Variants in ARMC2 observed in about 807,000 individuals in gnomAD.
The protein encoded by ARMC2 is armadillo repeat containing 2.
A neutral mutation model predicts 90.3 loss-of-function variants in ARMC2; 67 were observed. The ratio of observed to expected loss-of-function variants is 0.74; its 90% CI spans 0.61 to 0.91. The LOEUF (loss-of-function observed/expected upper bound fraction) is 0.91. ARMC2 is among the 40% of genes least tolerant of loss of function. The pLI, the probability that ARMC2 is intolerant of heterozygous loss-of-function variation, is 0.00. For missense variants in ARMC2, 920 were observed against 1,030.9 expected (o/e 0.89, Z 1.47); for synonymous variants, 393 against 393.0 (o/e 1.00, Z 0.00).
intron 1 of ARMC2, among the ~76,000 whole-genome samples, chr6:108,852,624 G>A (rs933084112): frequency 6.6e-6 from 1 of 152,112 alleles, no homozygotes; most frequent in East Asian, 1.9e-4. Flanking sequence ...CTTAGGTCAG[G>A]AGTGAGAGTC....
chr6:108,988,729 T>C, the ARMC2 span: 54 of 1,494,138 alleles, frequency 3.6e-5, no homozygotes, highest in Non-Finnish European at 4.6e-5. Flanking sequence ...TTTCAGTGTA[T>C]AACCTGTTTT....
intron 3 of ARMC2, 38 bp downstream of exon 3, chr6:108,858,309 G>A: frequency 2.0e-6 from 3 of 1,520,370 alleles, no homozygotes; most frequent in South Asian, 2.4e-5. Flanking sequence ...TTTATATTAT[G>A]TTGTGAAATG....
At chr6:108,941,126 A>G (rs956925784) in intron 12 of ARMC2, among the ~76,000 whole-genome samples, 8 of 152,216 alleles carry the variant, frequency 5.3e-5, no homozygotes, top group Non-Finnish European at 1.2e-4. Context: ...TAGACTAAAA[A>G]CTTTAAAATA....
chr6:108,983,508 T>C, the ARMC2 span, among the ~76,000 whole-genome samples: 8 of 152,238 alleles, frequency 5.3e-5, no homozygotes, highest in Non-Finnish European at 1.0e-4. Flanking sequence ...AAAGAGACTG[T>C]CCTGTCCTTA....
intron 3 of ARMC2, among the ~76,000 whole-genome samples, chr6:108,867,627 C>T (rs186953551): frequency 1.2e-4 from 18 of 152,144 alleles, no homozygotes; most frequent in African/African-American, 4.3e-4. Flanking sequence ...AAAAATTAGC[C>T]AAGTGTGCTG....
the ARMC2 span, among the ~76,000 whole-genome samples, chr6:109,026,794 C>T: frequency 3.9e-5 from 6 of 152,178 alleles, no homozygotes; most frequent in South Asian, 2.1e-4. Context: ...TGAGCCACTG[C>T]GCCCGGCCAG....
chr6:108,907,680 A>G, intron 8 of ARMC2: 2 of 1,606,308 alleles, frequency 1.2e-6, no homozygotes, highest in Non-Finnish European at 1.7e-6. Flanking sequence ...AGCACGTAGC[A>G]TGCCAGCACC....
rs762010883 is a variant in ARMC2 at position 108,854,344 on chromosome 6, G to A, written c.77G>A (p.Ser26Asn). 5 of 1,612,844 alleles carry A rather than the reference G, an allele frequency of 3.1e-6. No individual in the cohort carries two copies. Among genetic ancestry groups the A allele is most frequent in the Non-Finnish European group, 4.2e-6 (5 of 1,179,666 alleles). The stretch of plus-strand genomic sequence containing the variant: ...CCTTCAGTGTCCAAGCAGAAGACCA[G>A]TGCAGAAATCATAAGTGAAGCAAGA... ...YQPSVSKQKT[S>N]AEIISEARNA... The change falls in exon 2 of 18, where the codon AGT becomes AAT. Residue 26 changes from serine (S) to asparagine (N), a missense_variant. Physicochemically the swap from Ser to Asn is conservative, Grantham distance 46 (BLOSUM62 1). Coordinates refer to ENST00000392644, the MANE Select transcript of ARMC2 (RefSeq NM_032131.6).
intron 5 of ARMC2, among the ~76,000 whole-genome samples, chr6:108,886,883 GT>G (rs10712168): frequency 0.27 from 38,948 of 146,430 alleles, 6,298 homozygotes; most frequent in Non-Finnish European, 0.35. Flanking sequence ...GAATTTTATA[GT>G]TTTTTTTTTG....
chr6:108,931,306 C>T (rs1413148522), intron 11 of ARMC2, among the ~76,000 whole-genome samples: 1 of 151,906 alleles, frequency 6.6e-6, no homozygotes, highest in Non-Finnish European at 1.5e-5. Context: ...ACCACATTTT[C>T]TTTATCCAAT....
intron 13 of ARMC2, among the ~76,000 whole-genome samples, chr6:108,958,452 T>C (rs1427303725): frequency 6.6e-6 from 1 of 152,244 alleles, no homozygotes; most frequent in East Asian, 1.9e-4. Flanking sequence ...GCTTAGGAGC[T>C]GTGAGTACCT....
At chr6:108,921,514 A>G (rs1274159416) in intron 10 of ARMC2, among the ~76,000 whole-genome samples, 1 of 152,188 alleles carries the variant, frequency 6.6e-6, no homozygotes, top group Non-Finnish European at 1.5e-5. Flanking sequence ...TTAGACATGC[A>G]TGTTACCAGT....
chr6:108,884,916 C>G (rs1777931952), intron 5 of ARMC2, among the ~76,000 whole-genome samples: 1 of 152,164 alleles, frequency 6.6e-6, no homozygotes, highest in South Asian at 2.1e-4. Context: ...AGATGGAACC[C>G]TGCATGGCAC....
chr6:108,953,962 G>C (rs1271979078), intron 13 of ARMC2, among the ~76,000 whole-genome samples: 2 of 152,150 alleles, frequency 1.3e-5, no homozygotes, highest in Non-Finnish European at 2.9e-5. Context: ...AGACTGTTCA[G>C]CTCCTGGTGA....
chr6:108,952,611 CA>C (rs1434525725), intron 12 of ARMC2, among the ~76,000 whole-genome samples: 2 of 147,796 alleles, frequency 1.4e-5, no homozygotes, highest in African/African-American at 5.0e-5. Context: ...TGCCCAAATT[CA>C]AAAACACCAT....
At chr6:108,988,794 T>C in the ARMC2 span, 1 of 833,886 alleles carries the variant, frequency 1.2e-6, no homozygotes, top group African/African-American at 1.8e-5. Flanking sequence ...TCTCTCTTTG[T>C]GTAGGCAGCT....
At chr6:108,940,073 C>A (rs1304354413) in intron 12 of ARMC2, among the ~76,000 whole-genome samples, 1 of 152,106 alleles carries the variant, frequency 6.6e-6, no homozygotes, top group African/African-American at 2.4e-5. Flanking sequence ...TAGTCTTTAC[C>A]TGCTTTTTTG....
At chr6:108,928,827 C>T (rs1051345898) in intron 11 of ARMC2, among the ~76,000 whole-genome samples, 23 of 152,106 alleles carry the variant, frequency 1.5e-4, no homozygotes, top group African/African-American at 5.6e-4. Context: ...TGCTCTTTGT[C>T]AGTATTTTTA....
At chr6:108,906,986 T>C (rs566582903) in intron 8 of ARMC2, among the ~76,000 whole-genome samples, 20 of 152,336 alleles carry the variant, frequency 1.3e-4, no homozygotes, top group African/African-American at 4.8e-4. Context: ...ATCCCTTGCA[T>C]AAATGTAAGA....
Sources: allele counts gnomAD v4.1 joint callset (sites outside exome capture counted in the v4.1 genomes callset), GRCh38; gene constraint gnomAD v4.1.1; transcripts MANE v1.5; gene names NCBI Gene and HGNC (gene_info 2026-07-23, HGNC 2026-07-21).